MYBBP1A: variants seen among roughly 807,000 people sequenced by gnomAD.
MYBBP1A encodes MYB binding protein 1a.
A neutral mutation model predicts 136.3 loss-of-function variants in MYBBP1A; 147 were observed. That is an observed-to-expected ratio of 1.08 (90% CI 0.94 to 1.24). The LOEUF (loss-of-function observed/expected upper bound fraction) is 1.24. Among genes scored for constraint, MYBBP1A ranks in the 50% most tolerant of loss-of-function variants. The pLI, the probability that MYBBP1A is intolerant of heterozygous loss-of-function variation, is 0.00. For synonymous variants in MYBBP1A, 947 were observed against 735.8 expected (o/e 1.29, Z -4.65); for missense variants, 2,060 against 1,727.4 (o/e 1.19, Z -3.41).
chr17:4,552,318 A>G lies in MYBBP1A; in HGVS notation c.738-26T>C. 1 of 1,613,078 alleles carries G rather than the reference A, an allele frequency of 6.2e-7. No homozygotes were observed. The stretch of plus-strand genomic sequence containing the variant: ...CTGCGGAGGGCAAGGGACTCAGGGA[A>G]CACTTGCCTCACAGGCAAGGGCCAG... On this transcript the variant is annotated intron_variant, in intron 6 of 25. Coordinates refer to ENST00000254718, the MANE Select transcript of MYBBP1A (RefSeq NM_014520.4). This position sits in a 1 kb window ranked among gnomAD's most constrained non-coding sequence, Gnocchi z 4.7.
chr17:4,540,119 T>C (rs1906233462), intron 25 of MYBBP1A, 152 bp from the exon 26 acceptor site: 1 of 1,157,002 alleles, frequency 8.6e-7, no homozygotes, highest in Non-Finnish European at 1.2e-6. Flanking sequence ...CCTATGAGGG[T>C]CCTGCGAGGC....
chr17:4,539,443 G>A lies in MYBBP1A; in HGVS notation c.3959C>T (p.Ala1320Val), dbSNP rs1305296304. 6.2e-7 allele frequency: 1 copy of A among 1,613,706 alleles called. No homozygotes were observed. Among genetic ancestry groups the A allele is most frequent in the Admixed American group, 1.7e-5 (1 of 60,002 alleles). Residue 1320 changes from alanine to valine, a missense_variant, in exon 26 of 26, where the codon GCA (alanine) becomes GTA (valine). Physicochemically the swap from Ala to Val is moderately conservative, Grantham distance 64. Coordinates refer to ENST00000254718, the MANE Select transcript of MYBBP1A (RefSeq NM_014520.4). ...GGGCTTCCCTGCCTTCCTCACCTGT[G>A]CTTTCTTCTTGGCCCCACTCTGAAG... is the stretch of plus-strand genomic sequence containing the variant. The part of the protein sequence containing the change: ...SLLQSGAKKK[A>V]QVRKAGKP
At chr17:4,547,926 G>A (rs1470010447) in intron 13 of MYBBP1A, 32 bp downstream of exon 13, 5 of 1,439,496 alleles carry the variant, frequency 3.5e-6, no homozygotes, top group Non-Finnish European at 4.6e-6. Context: ...AGAACCCCAG[G>A]CTCACAGCCC....
chr17:4,547,914 A>T, intron 13 of MYBBP1A, 44 bp downstream of exon 13: 1 of 1,416,400 alleles, frequency 7.1e-7, no homozygotes, highest in South Asian at 1.5e-5. Context: ...CCATTGTGCC[A>T]TAGAACCCCA....
At position 4,552,817 on chromosome 17, in the gene MYBBP1A, G is replaced by A. The variant is rs997367484; in HGVS notation, c.562-191C>T. On this transcript the variant is annotated intron_variant, in intron 5 of 25. Transcript: ENST00000254718. The surrounding 1 kb of genome is among the most constrained non-coding windows in gnomAD (Gnocchi z 4.7). ...TCCCACTGACGCTAACTGGCCCCTG[G>A]AGGTACCTGCCCCCCACCCCTTATT... 7.3e-6 allele frequency among the ~76,000 whole-genome samples: 1 copy of A among 137,028 alleles called. No individual in the cohort carries two copies. Among genetic ancestry groups the A allele is most frequent in the Non-Finnish European group, 1.6e-5 (1 of 64,062 alleles). 89.9% of individuals were successfully genotyped at this position (137,028 alleles called of 152,430 possible).
At chr17:4,547,897 A>G in intron 13 of MYBBP1A, 61 bp downstream of exon 13, 1 of 1,331,704 alleles carries the variant, frequency 7.5e-7, no homozygotes, top group East Asian at 2.6e-5. Context: ...GCCTCTCGGT[A>G]GGGGGCCCAT....
rs755262903 is a variant in MYBBP1A, at chr17:4,544,555, C to T, written c.2573G>A (p.Arg858His). The T allele has an allele frequency of 1.6e-5, 25 of 1,562,962 alleles. No homozygotes were observed. Among genetic ancestry groups the T allele is most frequent in the African/African-American group, 1.5e-4 (11 of 73,636 alleles). ...TTTGGAGCTGCTGCTGCGCAGGCTG[C>T]GCCGGATGATGCTCAGCAGCGGCTC... The part of the protein sequence containing the change: ...LLEPLLSIIR[R>H]SLRSSSSKQE... The change falls in exon 19 of 26, where the codon CGC (arginine) becomes CAC (histidine). Residue 858 changes from arginine to histidine, a missense_variant. By Grantham distance (29) the Arg-to-His change is conservative (BLOSUM62 0). Coordinates refer to ENST00000254718, the MANE Select transcript of MYBBP1A (RefSeq NM_014520.4).
chr17:4,539,325 G>A lies in MYBBP1A; in HGVS notation c.*90C>T, dbSNP rs1906110211. On this transcript the variant is annotated 3_prime_UTR_variant, in exon 26 of 26. Coordinates refer to ENST00000254718, the MANE Select transcript of MYBBP1A (RefSeq NM_014520.4). Reference sequence around the variant, plus strand: ...AGTGGCAGCGCCTTAGAAACAGCTTGCGTATTAAAATCATGGTTTAAAAAA... The same window carrying A: ...AGTGGCAGCGCCTTAGAAACAGCTTACGTATTAAAATCATGGTTTAAAAAA... 3 of 1,498,384 alleles carry A rather than the reference G, an allele frequency of 2.0e-6. No individual in the cohort carries two copies. The highest frequency in any genetic ancestry group is 2.3e-5 in the Admixed American group (1 of 43,308). 92.8% of individuals were successfully genotyped at this position (1,498,384 alleles called of 1,614,324 possible). A position where few individuals can be genotyped will look rare whatever the true frequency, so the allele number is the denominator to read the frequency against.
chr17:4,545,231 G>GC (rs1906894504), intron 16 of MYBBP1A, 28 bp downstream of exon 16: 8 of 1,537,250 alleles, frequency 5.2e-6, no homozygotes, highest in Non-Finnish European at 7.1e-6. Context: ...ACTCCCCACC[G>GC]CCCCCGCCCG....
chr17:4,540,171 CCTGTGAGGGT>C lies in MYBBP1A; in HGVS notation c.3434+167_3434+176del, dbSNP rs1906251859. Among the ~76,000 whole-genome samples the C allele has an allele frequency of 3.8e-5, 5 of 130,020 alleles. No homozygotes were observed. The South Asian group carries it at 1.1e-3, about 30-fold the overall frequency. The allele number at this position is 130,020 out of a possible 152,430, so 85.3% of individuals were successfully genotyped here. ...GGTCCTGCGAGGCTCCTGCGAGGGT[CCTGTGAGGGT>C]CCTACAGCTCCCACATCTGAGAATG... On this transcript the variant is annotated intron_variant, in intron 25 of 25. Transcript: ENST00000254718.
chr17:4,542,310 G>A, intron 22 of MYBBP1A, 154 bp downstream of exon 22: 2 of 869,528 alleles, frequency 2.3e-6, no homozygotes, highest in Non-Finnish European at 3.6e-6. Flanking sequence ...ACCCCCTTCA[G>A]AGACCATGTA....
Position 4,555,369 on chromosome 17 carries a change from C to A in MYBBP1A, c.-45G>T. ...ACACGAAACACGTGTGCTCCGGCCC[C>A]AGCCGCTTCCAGGTCAGGGCACGGC... On this transcript the variant is annotated 5_prime_UTR_variant, in exon 1 of 26. Transcript: ENST00000254718. The A allele has an allele frequency of 1.3e-6, 2 of 1,554,422 alleles. No homozygotes were observed. The highest frequency in any genetic ancestry group is 2.4e-5 in the East Asian group (1 of 41,706).
In MYBBP1A at chr17:4,539,334, A is replaced by C; in HGVS notation, c.*81T>G. The C allele has an allele frequency of 1.1e-4, 148 of 1,293,930 alleles. No homozygotes were observed. The highest frequency in any genetic ancestry group is 8.9e-5 in the Non-Finnish European group (85 of 954,062). The allele number at this position is 1,293,930 out of a possible 1,614,324, so 80.2% of individuals were successfully genotyped here. A position where few individuals can be genotyped will look rare whatever the true frequency, so the allele number is the denominator to read the frequency against. On this transcript the variant is annotated 3_prime_UTR_variant, in exon 26 of 26. Coordinates refer to ENST00000254718, the MANE Select transcript of MYBBP1A (RefSeq NM_014520.4). ...GCCTTAGAAACAGCTTGCGTATTAAAATCATGGTTTAAAAAAAAAAAAAAA... is the reference window on the plus strand; with the variant it reads ...GCCTTAGAAACAGCTTGCGTATTAACATCATGGTTTAAAAAAAAAAAAAAA...
At chr17:4,554,670 G>C (rs536135507) in intron 2 of MYBBP1A, among the ~76,000 whole-genome samples, 191 bp downstream of exon 2, 1 of 152,156 alleles carries the variant, frequency 6.6e-6, no homozygotes, top group African/African-American at 2.4e-5. Flanking sequence ...AGAAAACCTG[G>C]CCAGGCCTTG....
intron 8 of MYBBP1A, among the ~76,000 whole-genome samples, 160 bp downstream of exon 8, chr17:4,551,720 A>C (rs571922163): frequency 6.6e-6 from 1 of 152,264 alleles, no homozygotes; most frequent in South Asian, 2.1e-4. Flanking sequence ...AAAAAAAAAA[A>C]ATTTGTCCGA....
chr17:4,546,308 G>T (rs1032359653), intron 13 of MYBBP1A, among the ~76,000 whole-genome samples: 1 of 152,136 alleles, frequency 6.6e-6, no homozygotes, highest in Admixed American at 6.6e-5. Context: ...GAGTAGAGAC[G>T]GGGTTTCACC....
At position 4,552,453 on chromosome 17, in the gene MYBBP1A, G is replaced by A; in HGVS notation, c.735C>T (p.Pro245=). The A allele has an allele frequency of 6.2e-7, 1 of 1,612,676 alleles. No homozygotes were observed. The highest frequency in any genetic ancestry group is 1.1e-5 in the South Asian group (1 of 91,034). Residue 245 remains proline (P), a splice_region_variant and synonymous_variant, in exon 6 of 26, where the codon CCC becomes CCT. Transcript: ENST00000254718. This position sits in a 1 kb window ranked among gnomAD's most constrained non-coding sequence, Gnocchi z 4.7. The part of the protein sequence containing the change: ...SVNLFSDENV[P]RLVNVLKMAA... ...AAATCCGCCCACCTCCATCACACCT[G>A]GGGACATTCTCATCTGAGAATAGGT...
chr17:4,539,480 T>TCCCAG lies in MYBBP1A; in HGVS notation c.3921_3922insCTGGG (p.Ser1308LeufsTer17), dbSNP rs764352463. On this transcript the variant is annotated frameshift_variant, in exon 26 of 26. Transcript: ENST00000254718. LOFTEE classifies it low-confidence loss of function (END_TRUNC). ...GCCCCACTCTGAAGCAGGCTGGGAC[T>TCCCAG]CCTGATGACCAAAGACAGCCTTGCC... is the stretch of plus-strand genomic sequence containing the variant. The TCCCAG allele has an allele frequency of 1.9e-6, 3 of 1,614,170 alleles. No homozygotes were observed. The highest frequency in any genetic ancestry group is 2.5e-6 in the Non-Finnish European group (3 of 1,180,028).
intron 9 of MYBBP1A, 116 bp from the exon 10 acceptor site, chr17:4,549,558 C>T: frequency 1.2e-6 from 1 of 855,502 alleles, no homozygotes; most frequent in Non-Finnish European, 1.8e-6. Context: ...TGGCCAATCA[C>T]TCGAGGTCAG....
Sources: allele counts gnomAD v4.1 joint callset (sites outside exome capture counted in the v4.1 genomes callset), GRCh38; gene constraint gnomAD v4.1.1; non-coding constraint Gnocchi (gnomAD v3.1); transcripts MANE v1.5; gene names NCBI Gene and HGNC (gene_info 2026-07-23, HGNC 2026-07-21).